Variants in NSMCE2 observed in about 807,000 individuals in gnomAD.
NSMCE2 encodes NSE2 SUMO ligase component of SMC5/6 complex.
In NSMCE2, 24 loss-of-function variants were observed where a neutral mutation model predicts 23.8. That is an observed-to-expected ratio of 1.01 (90% confidence interval 0.73 to 1.42). The LOEUF is 1.42. Among genes scored for constraint, NSMCE2 ranks in the 40% most tolerant of loss-of-function variants. The pLI is 0.00. For missense variants in NSMCE2, 284 were observed against 296.5 expected, an observed-to-expected ratio of 0.96 and a Z score of 0.31; for synonymous variants, 92 against 94.1, an observed-to-expected ratio of 0.98 and a Z score of 0.13.
chr8:125,343,866 C>T (rs900057717), intron 5 of NSMCE2, among the ~76,000 whole-genome samples: 16 of 151,910 alleles, frequency 1.1e-4, no homozygotes, highest in African/African-American at 3.4e-4. Context: ...ATTAGCTGGA[C>T]GTGGTGGCGG....
chr8:125,191,233 T>A (rs941080002), intron 5 of NSMCE2, among the ~76,000 whole-genome samples: 3 of 152,170 alleles, frequency 2.0e-5, no homozygotes, highest in Admixed American at 2.0e-4. Context: ...ATTTTATAGA[T>A]GAGAAAATAA....
At chr8:125,240,689 T>C (rs947555951) in intron 5 of NSMCE2, among the ~76,000 whole-genome samples, 2 of 152,060 alleles carry the variant, frequency 1.3e-5, no homozygotes, top group Admixed American at 1.3e-4. Flanking sequence ...CCTGCATGTG[T>C]GTCTGTGTCT....
Position 125,161,766 on chromosome 8 carries a change from T to C in NSMCE2, c.264+10489T>C, listed in dbSNP as rs186116147. ...AAGATTGCACCACTGCACTCCAGCT[T>C]GGGTGCCAGAGTGAGACAATGTCTC... On this transcript the variant is annotated intron_variant, in intron 4 of 7. Coordinates refer to ENST00000287437, the MANE Select transcript of NSMCE2 (RefSeq NM_173685.4). Among the ~76,000 whole-genome samples the C allele has an allele frequency of 6.6e-3, 962 of 146,364 alleles. 17 individuals carry two copies. The highest frequency in any genetic ancestry group is 0.024 in the African/African-American group (916 of 38,466).
chr8:125,161,344 A>G (rs1563688887), intron 4 of NSMCE2, among the ~76,000 whole-genome samples: 1 of 152,122 alleles, frequency 6.6e-6, no homozygotes. Context: ...AGTGAAAATC[A>G]TTATGTTTAT....
intron 5 of NSMCE2, among the ~76,000 whole-genome samples, chr8:125,183,478 A>G (rs1405885157): frequency 6.6e-6 from 1 of 152,156 alleles, no homozygotes; most frequent in Non-Finnish European, 1.5e-5. Context: ...CAAATGATTA[A>G]TAATTTCCCA....
intron 5 of NSMCE2, among the ~76,000 whole-genome samples, chr8:125,184,969 A>G (rs747902305): frequency 8.5e-5 from 13 of 152,234 alleles, no homozygotes; most frequent in Non-Finnish European, 1.8e-4. Flanking sequence ...CTGTTTTGAC[A>G]GAGTAAAGGC....
chr8:125,313,453 G>A (rs547384268), intron 5 of NSMCE2, among the ~76,000 whole-genome samples: 1 of 152,252 alleles, frequency 6.6e-6, no homozygotes, highest in East Asian at 1.9e-4. Flanking sequence ...ACACTTTAAA[G>A]AAGGAAGGAT....
intron 5 of NSMCE2, among the ~76,000 whole-genome samples, chr8:125,275,772 T>A (rs1443702721): frequency 8.3e-6 from 1 of 120,160 alleles, no homozygotes; most frequent in East Asian, 2.5e-4. Flanking sequence ...AATATCCAGA[T>A]TTTTTTTTGT....
At chr8:125,146,883 A>T (rs901442163) in intron 3 of NSMCE2, among the ~76,000 whole-genome samples, 2 of 152,066 alleles carry the variant, frequency 1.3e-5, no homozygotes, top group African/African-American at 4.8e-5. Flanking sequence ...GTACCCTAAA[A>T]CTTAAAGTAT....
At chr8:125,365,316 C>T (rs140739282) in intron 7 of NSMCE2, among the ~76,000 whole-genome samples, 317 of 152,316 alleles carry the variant, frequency 2.1e-3, no homozygotes, top group Non-Finnish European at 3.0e-3. Flanking sequence ...ACAGCCACTC[C>T]ATCGGCAAGT....
intron 1 of NSMCE2, among the ~76,000 whole-genome samples, chr8:125,100,770 A>G (rs1818149812): frequency 6.6e-6 from 1 of 152,130 alleles, no homozygotes; most frequent in Non-Finnish European, 1.5e-5. Flanking sequence ...CATGTTGGCC[A>G]TGCTGGTCTT....
chr8:125,175,636 G>A (rs1186825698), intron 4 of NSMCE2, among the ~76,000 whole-genome samples: 2 of 152,146 alleles, frequency 1.3e-5, no homozygotes, highest in Non-Finnish European at 2.9e-5. Flanking sequence ...GATTCAAAAA[G>A]TGTGTGAATG....
Position 125,151,154 on chromosome 8 carries a change from ATT to A in NSMCE2, c.158-9_158-8del. The A allele has an allele frequency of 7.2e-7, 1 of 1,387,634 alleles. No individual in the cohort carries two copies. Among genetic ancestry groups the A allele is most frequent in the Non-Finnish European group, 1.0e-6 (1 of 986,168 alleles). 86.0% of individuals were successfully genotyped at this position (1,387,634 alleles called of 1,614,324 possible). On this transcript the variant is annotated splice_polypyrimidine_tract_variant and intron_variant, in intron 3 of 7. Coordinates refer to ENST00000287437, the MANE Select transcript of NSMCE2 (RefSeq NM_173685.4). ...TTTTAAATGGAAAATAATAATTGCAATTTTTTTTTCTTTCAGCTGAAGTGAGT... is the reference window on the plus strand; with the variant it reads ...TTTTAAATGGAAAATAATAATTGCAATTTTTTTCTTTCAGCTGAAGTGAGT...
At chr8:125,132,212 C>T (rs1282128735) in intron 3 of NSMCE2, among the ~76,000 whole-genome samples, 3 of 152,120 alleles carry the variant, frequency 2.0e-5, no homozygotes, top group Non-Finnish European at 4.4e-5. Context: ...ATTCTTCCAC[C>T]TCAGCTTCCT....
chr8:125,280,014 T>C (rs955505828), intron 5 of NSMCE2, among the ~76,000 whole-genome samples: 1 of 152,218 alleles, frequency 6.6e-6, no homozygotes, highest in Non-Finnish European at 1.5e-5. Context: ...GGACTATAAA[T>C]TCCTCGAGGG....
intron 5 of NSMCE2, among the ~76,000 whole-genome samples, chr8:125,243,600 TAGAA>T (rs1339771743): frequency 2.0e-5 from 3 of 152,124 alleles, no homozygotes; most frequent in East Asian, 1.9e-4. Context: ...TGTTATTAAA[TAGAA>T]AGTAATGATG....
intron 5 of NSMCE2, among the ~76,000 whole-genome samples, chr8:125,257,382 G>T (rs1222952942): frequency 6.6e-5 from 10 of 152,028 alleles, no homozygotes; most frequent in Non-Finnish European, 1.5e-4. Context: ...CAAGAAGGAG[G>T]AGTCATCTCA....
intron 5 of NSMCE2, among the ~76,000 whole-genome samples, chr8:125,230,053 T>TA (rs1825257505): frequency 6.6e-6 from 1 of 152,236 alleles, no homozygotes. Flanking sequence ...AGAAAACTCT[T>TA]AAAATAGATC....
chr8:125,195,750 AC>A, intron 5 of NSMCE2, among the ~76,000 whole-genome samples: 1 of 152,252 alleles, frequency 6.6e-6, no homozygotes, highest in Admixed American at 6.5e-5. Context: ...TAACTCTAAA[AC>A]AAATATGCCT....
Sources: gnomAD v4.1 joint callset for allele counts (sites outside exome capture counted in the v4.1 genomes callset) on GRCh38, gnomAD v4.1.1 for gene constraint, MANE v1.5 for transcripts, NCBI Gene and HGNC (gene_info 2026-07-23, HGNC 2026-07-21) for gene names.